The following PCDHA4 variants were observed in gnomAD, a reference collection of about 807,000 sequenced individuals.
PCDHA4 encodes the protein protocadherin alpha 4.
Under a neutral mutation model 61.4 loss-of-function variants are expected in PCDHA4, and 49 were observed. That is an observed-to-expected ratio of 0.80 (90% CI 0.63 to 1.01). The LOEUF (loss-of-function observed/expected upper bound fraction) is 1.01. PCDHA4 is among the 50% of genes least tolerant of loss of function. PCDHA4 has a pLI of 0.00. For missense variants in PCDHA4, 1,254 were observed against 1,235.8 expected (o/e 1.01, Z -0.22); for synonymous variants, 590 against 550.3 (o/e 1.07, Z -1.01).
At chr5:140,990,792 T>C (rs1554251750) in intron 3 of PCDHA4, among the ~76,000 whole-genome samples, 2 of 152,176 alleles carry the variant, frequency 1.3e-5, no homozygotes, top group African/African-American at 4.8e-5. Flanking sequence ...CGATGAACCA[T>C]GGAATACAGA....
Position 140,822,756 on chromosome 5 carries a change from C to T in PCDHA4, c.2385+13184C>T, listed in dbSNP as rs1030859419. The T allele has an allele frequency of 8.1e-6, 13 of 1,613,646 alleles. No homozygotes were observed. The Admixed American group carries it at 8.3e-5, about 10-fold the overall frequency. ...TTGATGCCATGGATAAAAGTACATTCCCATTATCAGGACACTGTAAAGTAG... is the reference window on the plus strand; with the variant it reads ...TTGATGCCATGGATAAAAGTACATTTCCATTATCAGGACACTGTAAAGTAG... On this transcript the variant is annotated intron_variant, in intron 1 of 3. Transcript: ENST00000530339.
intron 1 of PCDHA4, chr5:140,926,925 G>C (rs1554203816): frequency 6.4e-7 from 1 of 1,574,118 alleles, no homozygotes; most frequent in South Asian, 1.2e-5. Context: ...TTTTATGTTT[G>C]TGGGTTTCCT....
At chr5:140,946,720 A>C (rs1460843213) in intron 1 of PCDHA4, among the ~76,000 whole-genome samples, 4 of 150,970 alleles carry the variant, frequency 2.6e-5, no homozygotes, top group African/African-American at 9.8e-5. Flanking sequence ...ATGTTTAGTT[A>C]AATAAGCCAG....
chr5:140,892,413 T>C (rs1554185182), intron 1 of PCDHA4, among the ~76,000 whole-genome samples: 1 of 152,222 alleles, frequency 6.6e-6, no homozygotes, highest in Non-Finnish European at 1.5e-5. Context: ...CTTCAGGTAT[T>C]CTAGATAAAA....
chr5:140,850,783 G>A lies in PCDHA4; in HGVS notation c.2385+41211G>A, dbSNP rs2150498112. 4.6e-5 allele frequency: 73 copies of A among 1,598,056 alleles called. 5 individuals carry two copies. Among genetic ancestry groups the A allele is most frequent in the East Asian group, 4.5e-5 (2 of 44,866 alleles). On this transcript the variant is annotated intron_variant, in intron 1 of 3. Coordinates refer to ENST00000530339, the MANE Select transcript of PCDHA4 (RefSeq NM_018907.4). ...AGGCAGAGGGTGTGCTCTGGCGAGG[G>A]TAAGCAGAAGACCGACCTCATGGCC... is the stretch of plus-strand genomic sequence containing the variant.
intron 1 of PCDHA4, chr5:140,876,170 T>C (rs781910243): frequency 6.2e-7 from 1 of 1,613,982 alleles, no homozygotes; most frequent in African/African-American, 1.3e-5. Context: ...ATAACCGTCC[T>C]GGATGTGAAT....
At chr5:140,823,161 C>T (rs1767584592) in intron 1 of PCDHA4, 1 of 1,613,930 alleles carries the variant, frequency 6.2e-7, no homozygotes, top group Non-Finnish European at 8.5e-7. Context: ...ATACCGTGTT[C>T]GTGAAGGAGA....
At chr5:140,915,290 C>G (rs1583944127) in intron 1 of PCDHA4, among the ~76,000 whole-genome samples, 1 of 152,254 alleles carries the variant, frequency 6.6e-6, no homozygotes, top group African/African-American at 2.4e-5. Flanking sequence ...ACTCTTTCTA[C>G]TTAAGATAAG....
chr5:140,926,656 T>C (rs1372034097), intron 1 of PCDHA4: 1 of 513,300 alleles, frequency 1.9e-6, no homozygotes, highest in Non-Finnish European at 3.1e-6. Flanking sequence ...CGGCTCCGCT[T>C]TCCCAGACGG....
intron 1 of PCDHA4, chr5:140,835,180 C>A: frequency 6.6e-7 from 1 of 1,515,706 alleles, no homozygotes; most frequent in Non-Finnish European, 8.9e-7. Context: ...CACCCCAATG[C>A]CTCAGATTTA....
Position 140,843,405 on chromosome 5 carries a change from A to T in PCDHA4, c.2385+33833A>T. On this transcript the variant is annotated intron_variant, in intron 1 of 3. Transcript: ENST00000530339. ...TTGGGTCCGGAAGCGGCGCTGGTGG[A>T]TGTCAACGTGTACCTGATCATCGCC... The T allele has an allele frequency of 1.4e-5, 23 of 1,595,948 alleles. 2 individuals are homozygous for T. The highest frequency in any genetic ancestry group is 2.0e-5 in the Non-Finnish European group (23 of 1,165,558).
At chr5:140,882,415 T>G (rs782393404) in intron 1 of PCDHA4, 23 of 1,614,072 alleles carry the variant, frequency 1.4e-5, no homozygotes, top group African/African-American at 2.7e-5. Flanking sequence ...GCCGCATCGC[T>G]CAGGACCTGG....
At chr5:140,957,641 T>G (rs1554223056) in intron 1 of PCDHA4, among the ~76,000 whole-genome samples, 1 of 152,110 alleles carries the variant, frequency 6.6e-6, no homozygotes, top group African/African-American at 2.4e-5. Flanking sequence ...AGAAATGCAC[T>G]TAAATATTCA....
intron 1 of PCDHA4, chr5:140,928,720 A>G (rs2085475122): frequency 6.2e-7 from 1 of 1,614,076 alleles, no homozygotes. Flanking sequence ...TAGTCTCTTT[A>G]GAATTTCAGC....
intron 1 of PCDHA4, chr5:140,829,480 C>T (rs2150168584): frequency 3.7e-6 from 6 of 1,613,752 alleles, no homozygotes; most frequent in South Asian, 1.1e-5. Flanking sequence ...ACACAGTGTT[C>T]GTGAAGGAGA....
chr5:141,011,247 G>A lies in PCDHA4; in HGVS notation c.*1310G>A, dbSNP rs1554263390. On this transcript the variant is annotated 3_prime_UTR_variant, in exon 4 of 4. Transcript: ENST00000530339. The stretch of plus-strand genomic sequence containing the variant: ...TCTACTAATTCTGTGACTTGTCTTG[G>A]TGTGCTAGCCTACACCTTCTCTTTG... The A allele has an allele frequency of 2.0e-5, 3 of 153,772 alleles. No individual in the cohort carries two copies. The highest frequency in any genetic ancestry group is 7.2e-5 in the African/African-American group (3 of 41,538). The allele number at this position is 153,772 out of a possible 1,614,324, so 9.5% of individuals were successfully genotyped here.
At chr5:140,956,906 A>G (rs2095319439) in intron 1 of PCDHA4, among the ~76,000 whole-genome samples, 1 of 152,218 alleles carries the variant, frequency 6.6e-6, no homozygotes, top group Non-Finnish European at 1.5e-5. Flanking sequence ...TCTTAAATGT[A>G]TAAACTTTAA....
At chr5:140,871,532 T>G in intron 1 of PCDHA4, 1 of 1,515,318 alleles carries the variant, frequency 6.6e-7, no homozygotes, top group Non-Finnish European at 8.8e-7. Flanking sequence ...AGGAAGTGTA[T>G]GTGAAATTAT....
chr5:140,990,998 T>C (rs994699186), intron 3 of PCDHA4, among the ~76,000 whole-genome samples: 1 of 152,216 alleles, frequency 6.6e-6, no homozygotes, highest in Non-Finnish European at 1.5e-5. Flanking sequence ...CTACCATTTA[T>C]TGAGAACTGT....
Sources: allele counts gnomAD v4.1 joint callset (sites outside exome capture counted in the v4.1 genomes callset), GRCh38; gene constraint gnomAD v4.1.1; transcripts MANE v1.5; gene names NCBI Gene and HGNC (gene_info 2026-07-23, HGNC 2026-07-21).